The following ADCY2 variants were observed in gnomAD, a reference collection of about 807,000 sequenced individuals.
ADCY2 encodes adenylate cyclase 2, also known as adenylate cyclase type 2.
ADCY2 carries 31 observed loss-of-function variants against 125.2 expected under a neutral mutation model. The observed-to-expected ratio is 0.25, with a 90% CI of 0.19 to 0.33. The LOEUF (loss-of-function observed/expected upper bound fraction) is 0.33. Ranked by LOEUF, ADCY2 falls within the 10% of genes least tolerant of loss-of-function variation. ADCY2 has a pLI of 1.00. For synonymous variants in ADCY2, 512 were observed against 548.4 expected (o/e 0.93, Z 0.93); for missense variants, 904 against 1,418.2 (o/e 0.64, Z 5.82).
chr5:7,589,492 A>AAGAG (rs1736762190), intron 3 of ADCY2, among the ~76,000 whole-genome samples: 1 of 65,548 alleles, frequency 1.5e-5, no homozygotes, highest in Non-Finnish European at 4.0e-5. Flanking sequence ...GAAAGAAAGA[A>AAGAG]AGAAAGAAAG....
intron 4 of ADCY2, among the ~76,000 whole-genome samples, chr5:7,637,361 C>T (rs548006176): frequency 9.1e-4 from 126 of 138,994 alleles, no homozygotes; most frequent in African/African-American, 3.3e-3. Flanking sequence ...TCTCAGGAGG[C>T]GGAGGTTGCA....
chr5:7,735,486 T>G (rs1197250565), intron 14 of ADCY2, among the ~76,000 whole-genome samples: 8 of 152,216 alleles, frequency 5.3e-5, no homozygotes, highest in African/African-American at 1.4e-4. Context: ...TTTATCAAGA[T>G]AAGGAAATTC....
chr5:7,824,483 T>G (rs748985431), intron 24 of ADCY2, among the ~76,000 whole-genome samples: 2 of 152,174 alleles, frequency 1.3e-5, no homozygotes, highest in Non-Finnish European at 2.9e-5. Context: ...CCACTTTTGG[T>G]GGAAGGCCGC....
intron 3 of ADCY2, among the ~76,000 whole-genome samples, chr5:7,603,793 T>C (rs1341164548): frequency 9.9e-5 from 14 of 141,234 alleles, no homozygotes; most frequent in African/African-American, 3.7e-4. Context: ...TCTTTTTTTT[T>C]TTTTTTTTTT....
chr5:7,506,672 G>A (rs1391938817), intron 2 of ADCY2, among the ~76,000 whole-genome samples: 1 of 151,876 alleles, frequency 6.6e-6, no homozygotes, highest in Non-Finnish European at 1.5e-5. Context: ...TGAACACGTG[G>A]GCTTAGAATA....
intron 2 of ADCY2, among the ~76,000 whole-genome samples, chr5:7,466,873 AC>A (rs1465096949): frequency 1.3e-5 from 2 of 151,748 alleles, no homozygotes; most frequent in Non-Finnish European, 2.9e-5. Context: ...CCTCACACCC[AC>A]CCCATGAGGC....
intron 1 of ADCY2, among the ~76,000 whole-genome samples, chr5:7,401,526 C>T (rs1221574706): frequency 2.0e-5 from 3 of 152,122 alleles, no homozygotes; most frequent in Non-Finnish European, 4.4e-5. Context: ...ATGGAGTTAC[C>T]TTTTAATGTT....
chr5:7,715,404 G>A (rs1741564501), intron 11 of ADCY2, among the ~76,000 whole-genome samples: 1 of 152,134 alleles, frequency 6.6e-6, no homozygotes, highest in African/African-American at 2.4e-5. Context: ...CTTAGACTTT[G>A]CAGAAGAGAA....
In ADCY2 at chr5:7,689,410, G is replaced by A. The variant is rs377165609; in HGVS notation, c.721-1281G>A. On this transcript the variant is annotated intron_variant, in intron 4 of 24. Transcript: ENST00000338316. ...TAAATGAATAAGCGAATGAATGAAT[G>A]AACAAATGATCAATGCTCAGTTATG... 2.0e-5 allele frequency among the ~76,000 whole-genome samples: 3 copies of A among 152,330 alleles called. No homozygotes were observed. The East Asian group carries it at 5.8e-4, about 29-fold the overall frequency.
chr5:7,565,458 A>G (rs1026333668), intron 3 of ADCY2, among the ~76,000 whole-genome samples: 5 of 152,194 alleles, frequency 3.3e-5, no homozygotes, highest in Non-Finnish European at 7.3e-5. Flanking sequence ...TTTTAATATC[A>G]ATAGGGAAGA....
At chr5:7,501,378 A>C (rs906925523) in intron 2 of ADCY2, among the ~76,000 whole-genome samples, 2 of 152,328 alleles carry the variant, frequency 1.3e-5, no homozygotes, top group Middle Eastern at 3.4e-3. Flanking sequence ...GAGGCATAAG[A>C]TGGTGTCATT....
intron 2 of ADCY2, among the ~76,000 whole-genome samples, chr5:7,459,628 C>T (rs910609117): frequency 4.6e-5 from 7 of 151,760 alleles, no homozygotes; most frequent in Non-Finnish European, 7.4e-5. Context: ...TGCCTTAACT[C>T]CAAAATTAAA....
At chr5:7,690,885 A>T in intron 5 of ADCY2, 46 bp downstream of exon 5, 8 of 1,453,978 alleles carry the variant, frequency 5.5e-6, no homozygotes, top group Non-Finnish European at 7.3e-6. Flanking sequence ...AGTCTGCCTG[A>T]CTGGAGACAT....
intron 3 of ADCY2, among the ~76,000 whole-genome samples, chr5:7,523,611 A>G (rs1206420863): frequency 1.3e-5 from 2 of 152,240 alleles, no homozygotes; most frequent in African/African-American, 2.4e-5. Flanking sequence ...TTTGTAGGTA[A>G]ACATCACAGT....
At chr5:7,603,295 T>C (rs1286954648) in intron 3 of ADCY2, among the ~76,000 whole-genome samples, 1 of 152,122 alleles carries the variant, frequency 6.6e-6, no homozygotes, top group African/African-American at 2.4e-5. Context: ...GGGAAAGGTC[T>C]TGAAGAGCTG....
At chr5:7,801,954 T>G in intron 20 of ADCY2, 2 of 383,268 alleles carry the variant, frequency 5.2e-6, no homozygotes, top group Non-Finnish European at 9.3e-6. Context: ...TCTGTTGTCA[T>G]TGTCTCAAGT....
chr5:7,398,460 G>A (rs780269211), intron 1 of ADCY2, among the ~76,000 whole-genome samples: 54 of 152,268 alleles, frequency 3.5e-4, no homozygotes, highest in East Asian at 1.9e-4. Context: ...TTTTCAAAGC[G>A]TTTTCCACGC....
rs1284638567 is a variant in ADCY2 at position 7,829,317 on chromosome 5, G to A, written c.*2446G>A. The A allele has an allele frequency of 3.9e-5, 6 of 152,648 alleles. No individual in the cohort carries two copies. Among genetic ancestry groups the A allele is most frequent in the Non-Finnish European group, 4.4e-5 (3 of 68,100 alleles). 9.5% of individuals were successfully genotyped at this position (152,648 alleles called of 1,614,324 possible). On this transcript the variant is annotated 3_prime_UTR_variant, in exon 25 of 25. Coordinates refer to ENST00000338316, the MANE Select transcript of ADCY2 (RefSeq NM_020546.3). ...CCCTCCCCAGTGTTTTTGCAGGTGA[G>A]GAAACAGGGGCAGAGTAATTCAGGC... is the stretch of plus-strand genomic sequence containing the variant.
At chr5:7,630,877 C>G (rs1030623797) in intron 4 of ADCY2, among the ~76,000 whole-genome samples, 1 of 151,604 alleles carries the variant, frequency 6.6e-6, no homozygotes, top group African/African-American at 2.4e-5. Flanking sequence ...ACCTCTGCCC[C>G]CTGGGGCTCA....
Sources: allele counts gnomAD v4.1 joint callset (sites outside exome capture counted in the v4.1 genomes callset), GRCh38; gene constraint gnomAD v4.1.1; transcripts MANE v1.5; gene names NCBI Gene and HGNC (gene_info 2026-07-23, HGNC 2026-07-21).